The following UBE3D variants were observed in gnomAD, a reference collection of about 807,000 sequenced individuals.
The protein encoded by UBE3D is E3 ubiquitin-protein ligase E3D.
In UBE3D, 48 loss-of-function variants were observed where a neutral mutation model predicts 49.6. That is an observed-to-expected ratio of 0.97 (90% CI 0.77 to 1.23). UBE3D has a LOEUF of 1.23. Ranked by LOEUF, UBE3D falls within the 50% of genes most tolerant of loss-of-function variation. The pLI, the probability that UBE3D is intolerant of heterozygous loss-of-function variation, is 0.00. For missense variants in UBE3D, 452 were observed against 468.4 expected, an observed-to-expected ratio of 0.96 and a Z score of 0.32; for synonymous variants, 189 against 174.2, an observed-to-expected ratio of 1.08 and a Z score of -0.67.
At chr6:82,923,449 G>A (rs1017592459) in intron 9 of UBE3D, among the ~76,000 whole-genome samples, 6 of 152,086 alleles carry the variant, frequency 3.9e-5, no homozygotes, top group Admixed American at 6.6e-5. Flanking sequence ...CTCAGCAAAC[G>A]ATCACAAGAT....
At chr6:82,974,715 T>C (rs3120809) in intron 8 of UBE3D, among the ~76,000 whole-genome samples, 103,270 of 151,404 alleles carry the variant, frequency 0.68, 35,869 homozygotes, top group East Asian at 0.82. Flanking sequence ...CTAGAAACGT[T>C]GTAAAGTAAT....
chr6:82,984,357 C>G (rs186659038), intron 8 of UBE3D, among the ~76,000 whole-genome samples: 2 of 152,222 alleles, frequency 1.3e-5, no homozygotes, highest in East Asian at 3.9e-4. Flanking sequence ...ACAAATAGTG[C>G]TCAAATTAAT....
Position 82,902,958 on chromosome 6 carries a change from T to C in UBE3D, c.1150-9916A>G, listed in dbSNP as rs1201889483. Among the ~76,000 whole-genome samples the C allele has an allele frequency of 3.3e-5, 5 of 152,312 alleles. No individual in the cohort carries two copies. The East Asian group carries it at 9.6e-4, about 29-fold the overall frequency. ...AAAGGTCAGAGAAGCTAGGTAACTTTTGATCATGGCTGTAAGCTAGTAACA... is the reference window on the plus strand; with the variant it reads ...AAAGGTCAGAGAAGCTAGGTAACTTCTGATCATGGCTGTAAGCTAGTAACA... On this transcript the variant is annotated intron_variant, in intron 9 of 9. Transcript: ENST00000369747.
rs370323986 is a variant in UBE3D, at chr6:83,065,606, C to T, written c.77+36G>A. On this transcript the variant is annotated intron_variant, in intron 1 of 9. Coordinates refer to ENST00000369747, the MANE Select transcript of UBE3D (RefSeq NM_198920.3). ...CCCCGACCCCCGGGCAGCAGTAAAG[C>T]GAGCTGGGCACTGCGCCTAGAATCC... 6.8e-5 allele frequency: 110 copies of T among 1,607,296 alleles called. 1 individual carries two copies. The Middle Eastern group carries it at 2.3e-3, about 34-fold the overall frequency.
intron 9 of UBE3D, among the ~76,000 whole-genome samples, chr6:82,893,400 T>C (rs776084102): frequency 6.6e-6 from 1 of 152,192 alleles, no homozygotes; most frequent in Non-Finnish European, 1.5e-5. Flanking sequence ...TCCTAGGCGA[T>C]TCTGGGTCCT....
chr6:82,896,835 G>A (rs1333826424), intron 9 of UBE3D, among the ~76,000 whole-genome samples: 5 of 151,688 alleles, frequency 3.3e-5, no homozygotes, highest in East Asian at 1.9e-4. Flanking sequence ...TCTGCCTCCC[G>A]GGTTCAAGCA....
At chr6:82,902,670 T>C (rs970591044) in intron 9 of UBE3D, among the ~76,000 whole-genome samples, 1 of 152,192 alleles carries the variant, frequency 6.6e-6, no homozygotes, top group Non-Finnish European at 1.5e-5. Flanking sequence ...GATTCCTGTG[T>C]TGATAGAACT....
intron 9 of UBE3D, among the ~76,000 whole-genome samples, chr6:82,895,092 G>C (rs1771217315): frequency 6.6e-6 from 1 of 152,106 alleles, no homozygotes; most frequent in Non-Finnish European, 1.5e-5. Flanking sequence ...CAGGCAGATG[G>C]CTTGAGGTTA....
At chr6:82,936,095 G>C (rs542862650) in intron 9 of UBE3D, among the ~76,000 whole-genome samples, 1 of 152,010 alleles carries the variant, frequency 6.6e-6, no homozygotes, top group East Asian at 1.9e-4. Context: ...AAAAAACAAT[G>C]GTAAGGTCTT....
chr6:82,937,469 C>A (rs293528), intron 9 of UBE3D, among the ~76,000 whole-genome samples: 102,263 of 152,000 alleles, frequency 0.67, 34,899 homozygotes, highest in East Asian at 0.79. Flanking sequence ...ATATCTTTAG[C>A]CTCCTTTCCA....
chr6:82,906,143 T>G (rs1772085367), intron 9 of UBE3D, among the ~76,000 whole-genome samples: 1 of 152,226 alleles, frequency 6.6e-6, no homozygotes, highest in Non-Finnish European at 1.5e-5. Context: ...ATACATTTTT[T>G]TTTTAACAGT....
chr6:82,944,487 G>A (rs1190452080), intron 9 of UBE3D, among the ~76,000 whole-genome samples: 1 of 152,216 alleles, frequency 6.6e-6, no homozygotes, highest in Admixed American at 6.5e-5. Context: ...TGGGCCTTGG[G>A]TGAGATTCTG....
intron 9 of UBE3D, among the ~76,000 whole-genome samples, chr6:82,903,058 T>A (rs1771850834): frequency 6.6e-6 from 1 of 152,182 alleles, no homozygotes; most frequent in South Asian, 2.1e-4. Context: ...TTCCATTTAA[T>A]TATGGTGAGA....
chr6:83,045,913 T>C (rs927517466), intron 3 of UBE3D, among the ~76,000 whole-genome samples: 2 of 152,202 alleles, frequency 1.3e-5, no homozygotes, highest in African/African-American at 4.8e-5. Flanking sequence ...TCTCAATATT[T>C]CCTTATTTTT....
intron 8 of UBE3D, among the ~76,000 whole-genome samples, chr6:83,003,820 A>C (rs1779792060): frequency 6.6e-6 from 1 of 152,202 alleles, no homozygotes; most frequent in African/African-American, 2.4e-5. Flanking sequence ...TGTGCAGTTC[A>C]TGACTGTACT....
chr6:83,009,812 A>AC (rs2127757304), intron 8 of UBE3D, among the ~76,000 whole-genome samples: 1 of 150,446 alleles, frequency 6.6e-6, no homozygotes, highest in African/African-American at 2.4e-5. Context: ...TAAAAGAAGT[A>AC]TTAAAGAGTA....
chr6:83,010,519 A>G (rs1562181220), intron 8 of UBE3D, among the ~76,000 whole-genome samples: 1 of 152,232 alleles, frequency 6.6e-6, no homozygotes, highest in Non-Finnish European at 1.5e-5. Context: ...AAATATAGCA[A>G]TATTAACCAT....
chr6:82,929,454 C>T (rs1476465500), intron 9 of UBE3D, among the ~76,000 whole-genome samples: 3 of 151,998 alleles, frequency 2.0e-5, no homozygotes, highest in African/African-American at 7.2e-5. Context: ...ATTTTAATTT[C>T]ATTTTGTTCA....
chr6:83,033,478 G>A (rs143896893), intron 5 of UBE3D, among the ~76,000 whole-genome samples: 22 of 152,246 alleles, frequency 1.4e-4, no homozygotes, highest in Non-Finnish European at 2.9e-4. Flanking sequence ...GGTGGGAGGT[G>A]ACTGGATTAT....
Sources: allele counts gnomAD v4.1 joint callset (sites outside exome capture counted in the v4.1 genomes callset), GRCh38; gene constraint gnomAD v4.1.1; transcripts MANE v1.5; gene names NCBI Gene and HGNC (gene_info 2026-07-23, HGNC 2026-07-21).